Variants in ZNF331 observed in about 807,000 individuals in gnomAD.
ZNF331 encodes the protein zinc finger protein 331, also known as C2H2-like zinc finger protein rearranged in thyroid adenomas.
ZNF331 carries 2 observed loss-of-function variants against 7.0 expected under a neutral mutation model. The observed-to-expected ratio is 0.29, with a 90% confidence interval of 0.12 to 0.90. The LOEUF is 0.90. Ranked by LOEUF, ZNF331 falls within the 40% of genes least tolerant of loss-of-function variation. The probability of loss-of-function intolerance (pLI) is 0.58; values close to 1 mark genes in which losing one functional copy is unlikely to be tolerated. For missense variants in ZNF331, 432 were observed against 587.7 expected (o/e 0.74, Z 2.74); for synonymous variants, 196 against 205.4 (o/e 0.95, Z 0.39).
chr19:53,524,371 C>T (rs112516075), intron 2 of ZNF331, among the ~76,000 whole-genome samples: 1 of 152,202 alleles, frequency 6.6e-6, no homozygotes, highest in African/African-American at 2.4e-5. Flanking sequence ...CTAATTTACA[C>T]TCCCACCAAC....
At chr19:53,564,152 C>T (rs1252410165) in intron 3 of ZNF331, among the ~76,000 whole-genome samples, 1 of 146,944 alleles carries the variant, frequency 6.8e-6, no homozygotes, top group Non-Finnish European at 1.5e-5. Flanking sequence ...TCACAGGTAC[C>T]ATCCCACTAC....
the ZNF331 span, among the ~76,000 whole-genome samples, chr19:53,506,842 G>A: frequency 6.6e-6 from 1 of 152,166 alleles, no homozygotes; most frequent in Admixed American, 6.5e-5. Context: ...GTTGGGTGCA[G>A]GTAGGGACGT....
At chr19:53,503,911 CAG>C in the ZNF331 span, 1 of 646,114 alleles carries the variant, frequency 1.5e-6, no homozygotes, top group Non-Finnish European at 2.8e-6. Flanking sequence ...ACGAGGACAC[CAG>C]AGAGTCGCTG....
At chr19:53,559,054 T>TACAAACACACCCCGTATACACAC (rs1568510559) in intron 3 of ZNF331, among the ~76,000 whole-genome samples, 1 of 147,540 alleles carries the variant, frequency 6.8e-6, no homozygotes, top group Non-Finnish European at 1.5e-5. Context: ...ACCATACATA[T>TACAAACACACCCCGTATACACAC]ACAAACACAC....
rs1190434665 is a variant in ZNF331 at position 53,560,120 on chromosome 19, A to G, written c.-74+4212A>G. Reference sequence around the variant, plus strand: ...ATATACCCACACCATACACACACATATATACACACACCATATATATACACA... The same window carrying G: ...ATATACCCACACCATACACACACATGTATACACACACCATATATATACACA... On this transcript the variant is annotated intron_variant, in intron 3 of 5. Coordinates refer to ENST00000449416, the MANE Select transcript of ZNF331 (RefSeq NM_001079906.2). The surrounding 1 kb of genome is among the most constrained non-coding windows in gnomAD (Gnocchi z 4.3). Among the ~76,000 whole-genome samples the G allele has an allele frequency of 1.3e-5, 2 of 150,766 alleles. No homozygotes were observed. Among genetic ancestry groups the G allele is most frequent in the South Asian group, 4.1e-4 (2 of 4,824 alleles).
intron 3 of ZNF331, among the ~76,000 whole-genome samples, chr19:53,561,927 C>T (rs912646466): frequency 1.3e-5 from 2 of 152,026 alleles, no homozygotes; most frequent in Non-Finnish European, 2.9e-5. Context: ...GCAGGTAGAT[C>T]ACCTGAGGTC....
chr19:53,545,284 T>C (rs1014955317), intron 2 of ZNF331, among the ~76,000 whole-genome samples: 4 of 152,220 alleles, frequency 2.6e-5, no homozygotes, highest in African/African-American at 9.6e-5. Flanking sequence ...AATTAGATGT[T>C]TGTTAAGGGC....
At position 53,578,777 on chromosome 19, in the gene ZNF331, G is replaced by C. The variant is rs752081906; in HGVS notation, c.*825G>C. 10 of 204,980 alleles carry C rather than the reference G, an allele frequency of 4.9e-5. No individual in the cohort carries two copies. The highest frequency in any genetic ancestry group is 1.8e-4 in the Admixed American group (3 of 16,798). 12.7% of individuals were successfully genotyped at this position (204,980 alleles called of 1,614,324 possible). On this transcript the variant is annotated 3_prime_UTR_variant, in exon 6 of 6. Coordinates refer to ENST00000449416, the MANE Select transcript of ZNF331 (RefSeq NM_001079906.2). ...AATTCCTGGTACAGTTTAACGTAAG[G>C]CTTCACTGATCACTGTTGTTTTTGT...
chr19:53,548,431 A>G (rs1568489373), intron 2 of ZNF331, among the ~76,000 whole-genome samples: 1 of 151,566 alleles, frequency 6.6e-6, no homozygotes, highest in Admixed American at 6.6e-5. Context: ...TAATTTTTCA[A>G]TTTTTTGTAG....
chr19:53,548,274 AT>A (rs894648270), intron 2 of ZNF331, among the ~76,000 whole-genome samples: 72 of 148,970 alleles, frequency 4.8e-4, no homozygotes, highest in African/African-American at 1.4e-3. Context: ...CGCCCGGCTA[AT>A]TTTTTTTTTG....
Position 53,560,836 on chromosome 19 carries a change from A to G in ZNF331, c.-74+4928A>G, listed in dbSNP as rs1274519568. Reference sequence around the variant, plus strand: ...TACATTGCGCTTGCTTCTATAACTCAAGAGAATCTTCCGTATGTTAGAGGC... The same window carrying G: ...TACATTGCGCTTGCTTCTATAACTCGAGAGAATCTTCCGTATGTTAGAGGC... On this transcript the variant is annotated intron_variant, in intron 3 of 5. Coordinates refer to ENST00000449416, the MANE Select transcript of ZNF331 (RefSeq NM_001079906.2). The surrounding 1 kb of genome is among the most constrained non-coding windows in gnomAD (Gnocchi z 4.3). Among the ~76,000 whole-genome samples the G allele has an allele frequency of 6.6e-6, 1 of 152,228 alleles. No individual in the cohort carries two copies. The highest frequency in any genetic ancestry group is 1.5e-5 in the Non-Finnish European group (1 of 68,024).
chr19:53,538,046 A>G (rs2087850251), upstream of ZNF331: 1 of 152,136 alleles, frequency 6.6e-6, no homozygotes, highest in African/African-American at 2.4e-5. Context: ...CTGTGTGCAC[A>G]TGCGTGTCGG....
At chr19:53,559,958 A>G (rs1209541086) in intron 3 of ZNF331, among the ~76,000 whole-genome samples, 1 of 150,930 alleles carries the variant, frequency 6.6e-6, no homozygotes, top group Non-Finnish European at 1.5e-5. Flanking sequence ...ACACACACAC[A>G]TATACACCCC....
chr19:53,554,818 C>T (rs2089270157), intron 2 of ZNF331: 1 of 152,074 alleles, frequency 6.6e-6, no homozygotes, highest in African/African-American at 2.4e-5. Flanking sequence ...GGGGTGCTCC[C>T]GAGGCTTTGG....
At chr19:53,569,267 A>T (rs2090323762) in intron 3 of ZNF331, 37 bp from the exon 4 acceptor site, 15 of 1,243,472 alleles carry the variant, frequency 1.2e-5, no homozygotes, top group Non-Finnish European at 1.8e-5. Flanking sequence ...GGGACCCCAG[A>T]TGCACCTCGT....
At chr19:53,526,025 T>C (rs2087281323) in intron 2 of ZNF331, among the ~76,000 whole-genome samples, 1 of 152,232 alleles carries the variant, frequency 6.6e-6, no homozygotes, top group African/African-American at 2.4e-5. Flanking sequence ...CTGGATCTAT[T>C]GTGATGATCA....
chr19:53,566,746 C>T (rs1600454814), intron 3 of ZNF331, among the ~76,000 whole-genome samples: 1 of 152,258 alleles, frequency 6.6e-6, no homozygotes, highest in African/African-American at 2.4e-5. Flanking sequence ...GCCAGTGTTG[C>T]GAGCAGCCTA....
At chr19:53,524,602 G>A (rs1869282949) in intron 2 of ZNF331, among the ~76,000 whole-genome samples, 1 of 152,130 alleles carries the variant, frequency 6.6e-6, no homozygotes, top group Non-Finnish European at 1.5e-5. Context: ...CCCACTTTTT[G>A]ATGGGGTTTT....
At chr19:53,544,971 G>A (rs901798771) in intron 2 of ZNF331, among the ~76,000 whole-genome samples, 2 of 152,068 alleles carry the variant, frequency 1.3e-5, no homozygotes, top group Non-Finnish European at 2.9e-5. Context: ...TGATCTGCCT[G>A]CCTTGGCCTC....
Sources: gnomAD v4.1 joint callset for allele counts (sites outside exome capture counted in the v4.1 genomes callset) on GRCh38, gnomAD v4.1.1 for gene constraint, Gnocchi (gnomAD v3.1) non-coding constraint, MANE v1.5 for transcripts, NCBI Gene and HGNC (gene_info 2026-07-23, HGNC 2026-07-21) for gene names.